The following HK1 variants were observed in gnomAD, a reference collection of about 807,000 sequenced individuals.
The protein encoded by HK1 is hexokinase-1.
Under a neutral mutation model 91.6 loss-of-function variants are expected in HK1, and 28 were observed. The observed-to-expected ratio is 0.31, with a 90% CI of 0.23 to 0.42. HK1 has a LOEUF of 0.42. Ranked by LOEUF, HK1 falls within the 10% of genes least tolerant of loss-of-function variation. HK1 has a pLI of 1.00. For missense variants in HK1, 770 were observed against 1,219.8 expected (o/e 0.63, Z 5.49); for synonymous variants, 430 against 468.1 (o/e 0.92, Z 1.05).
chr10:69,332,449 A>T (rs891857828), intron 1 of HK1, among the ~76,000 whole-genome samples: 1 of 150,692 alleles, frequency 6.6e-6, no homozygotes, highest in Non-Finnish European at 1.5e-5. Flanking sequence ...CGCAATCTTG[A>T]CTCACCGCAA....
intron 3 of HK1, among the ~76,000 whole-genome samples, chr10:69,294,038 T>G (rs371820569): frequency 2.8e-4 from 43 of 151,864 alleles, no homozygotes; most frequent in African/African-American, 9.4e-4. Context: ...ATTTTTTGTA[T>G]TTTTAGTAGA....
intron 11 of HK1, 32 bp from the exon 12 acceptor site, chr10:69,384,764 G>C: frequency 1.2e-6 from 2 of 1,614,092 alleles, no homozygotes; most frequent in Non-Finnish European, 1.7e-6. Flanking sequence ...AAACCACAGA[G>C]AGCACGGGCG....
At chr10:69,387,177 G>A (rs565993700) in intron 13 of HK1, among the ~76,000 whole-genome samples, 1 of 152,150 alleles carries the variant, frequency 6.6e-6, no homozygotes, top group Admixed American at 6.5e-5. Flanking sequence ...AATTGCCCCT[G>A]GTTCCTGACA....
chr10:69,370,745 T>C (rs1849955969), intron 7 of HK1, among the ~76,000 whole-genome samples: 1 of 152,154 alleles, frequency 6.6e-6, no homozygotes, highest in Admixed American at 6.5e-5. Flanking sequence ...CCTCCATTCT[T>C]ACTATGGCAA....
chr10:69,294,499 A>G (rs1275660631), intron 3 of HK1, among the ~76,000 whole-genome samples: 1 of 152,130 alleles, frequency 6.6e-6, no homozygotes, highest in Non-Finnish European at 1.5e-5. Context: ...AGGCAGGTGG[A>G]TCACTTGAGC....
chr10:69,316,559 A>C (rs1189887900), upstream of HK1, among the ~76,000 whole-genome samples: 1 of 152,210 alleles, frequency 6.6e-6, no homozygotes, highest in Non-Finnish European at 1.5e-5. Flanking sequence ...TCACCTTGAG[A>C]AGCAGTTTCC....
chr10:69,299,956 G>C (rs989033196), intron 4 of HK1, among the ~76,000 whole-genome samples: 1 of 151,246 alleles, frequency 6.6e-6, no homozygotes, highest in African/African-American at 2.5e-5. Flanking sequence ...CACCGTACCC[G>C]GCCTATTTTT....
intron 2 of HK1, among the ~76,000 whole-genome samples, chr10:69,349,478 C>T (rs932711326): frequency 2.0e-5 from 3 of 152,206 alleles, no homozygotes; most frequent in Non-Finnish European, 2.9e-5. Context: ...CCAATGGAGC[C>T]AGTCCAAGGA....
chr10:69,360,725 G>A (rs1849376374), intron 3 of HK1, among the ~76,000 whole-genome samples: 1 of 152,190 alleles, frequency 6.6e-6, no homozygotes, highest in Admixed American at 6.5e-5. Context: ...CCTCCTCTCT[G>A]GGTGCGGGGA....
chr10:69,332,457 C>T (rs1847786618), intron 1 of HK1, among the ~76,000 whole-genome samples: 1 of 151,964 alleles, frequency 6.6e-6, no homozygotes, highest in South Asian at 2.1e-4. Context: ...TGACTCACCG[C>T]AACCTCTGCC....
intron 3 of HK1, chr10:69,295,594 T>G (rs1327946045): frequency 8.3e-6 from 12 of 1,453,914 alleles, no homozygotes; most frequent in Non-Finnish European, 1.2e-5. Context: ...GTTGCTAAAA[T>G]GCATTTGTAA....
At chr10:69,288,624 C>A in intron 2 of HK1, 1 of 908,810 alleles carries the variant, frequency 1.1e-6, no homozygotes, top group Non-Finnish European at 1.9e-6. Flanking sequence ...AAAAATGAGA[C>A]CGACAATCCT....
At chr10:69,294,742 A>G (rs930076665) in intron 3 of HK1, among the ~76,000 whole-genome samples, 5 of 152,082 alleles carry the variant, frequency 3.3e-5, no homozygotes, top group Non-Finnish European at 5.9e-5. Flanking sequence ...GATGCCTGTA[A>G]TCCCAACTAC....
chr10:69,295,685 G>A (rs368033289), intron 4 of HK1: 168 of 1,582,152 alleles, frequency 1.1e-4, no homozygotes, highest in South Asian at 3.2e-4. Flanking sequence ...AGTGAGGTAA[G>A]AAAGCTATTT....
At chr10:69,315,939 C>T (rs761399802), upstream of HK1, 16 of 1,613,926 alleles carry the variant, frequency 9.9e-6, no homozygotes, top group Non-Finnish European at 1.2e-5. Context: ...AAAGAGGAGT[C>T]TGGGTGTATA....
At chr10:69,361,350 C>T (rs1167548522) in intron 3 of HK1, among the ~76,000 whole-genome samples, 1 of 152,254 alleles carries the variant, frequency 6.6e-6, no homozygotes, top group Non-Finnish European at 1.5e-5. Flanking sequence ...TGCACAAAGG[C>T]TGCCAGCTGG....
At chr10:69,345,760 C>G (rs1449114983) in intron 2 of HK1, among the ~76,000 whole-genome samples, 5 of 152,302 alleles carry the variant, frequency 3.3e-5, no homozygotes, top group Non-Finnish European at 7.3e-5. Context: ...CAGGGGTGCT[C>G]TCCCTCTCCT....
chr10:69,379,820 A>G (rs1324451854), intron 8 of HK1, 42 bp from the exon 9 acceptor site: 4 of 1,369,186 alleles, frequency 2.9e-6, no homozygotes, highest in Non-Finnish European at 4.2e-6. Context: ...GCACTGCCTC[A>G]TGTGGTCCTC....
rs571403788 is a variant in HK1 at position 69,383,626 on chromosome 10, G to A, written c.1571-707G>A. 1.2e-4 allele frequency among the ~76,000 whole-genome samples: 19 copies of A among 152,352 alleles called. No homozygotes were observed. The South Asian group carries it at 1.9e-3, about 15-fold the overall frequency. Reference sequence around the variant, plus strand: ...GGGCCAGGATTGGCTGACCTCTGCCGGCCTCATTCCTGCATCTGCAGTCAG... The same window carrying A: ...GGGCCAGGATTGGCTGACCTCTGCCAGCCTCATTCCTGCATCTGCAGTCAG... On this transcript the variant is annotated intron_variant, in intron 10 of 17. Transcript: ENST00000359426.
Sources: allele counts gnomAD v4.1 joint callset (sites outside exome capture counted in the v4.1 genomes callset), GRCh38; gene constraint gnomAD v4.1.1; transcripts MANE v1.5; gene names NCBI Gene and HGNC (gene_info 2026-07-23, HGNC 2026-07-21).